The following MTURN variants were observed in gnomAD, a reference collection of about 807,000 sequenced individuals.
The protein encoded by MTURN is maturin.
A neutral mutation model predicts 14.9 loss-of-function variants in MTURN; 7 were observed. That is an observed-to-expected ratio of 0.47 (90% confidence interval 0.27 to 0.88). MTURN has a LOEUF of 0.88. MTURN is among the 40% of genes least tolerant of loss of function. The probability of loss-of-function intolerance (pLI) is 0.14; values close to 1 mark genes in which losing one functional copy is unlikely to be tolerated. For missense variants in MTURN, 151 were observed against 174.1 expected (o/e 0.87, Z 0.75); for synonymous variants, 69 against 72.5 (o/e 0.95, Z 0.25).
chr7:30,135,377 G>A lies in MTURN; in HGVS notation c.162+79G>A, dbSNP rs759128706. 4.6e-3 allele frequency: 5,757 copies of A among 1,263,058 alleles called. 26 individuals carry two copies. Among genetic ancestry groups the A allele is most frequent in the Non-Finnish European group, 4.9e-3 (4,759 of 967,528 alleles). 78.2% of individuals were successfully genotyped at this position (1,263,058 alleles called of 1,614,324 possible). A position where few individuals can be genotyped will look rare whatever the true frequency, so the allele number is the denominator to read the frequency against. The stretch of plus-strand genomic sequence containing the variant: ...TGCGTCCCTGCGCCCGAGCTCCCGC[G>A]CGGTGGGCGGCGGTGGGCGCAGAGT... On this transcript the variant is annotated intron_variant, in intron 1 of 2. Transcript: ENST00000324453.
chr7:30,135,608 C>T (rs1156378073), intron 1 of MTURN, among the ~76,000 whole-genome samples: 5 of 152,158 alleles, frequency 3.3e-5, no homozygotes, highest in Non-Finnish European at 7.4e-5. Flanking sequence ...GTTTCGGGAA[C>T]CCGACCTCGC....
intron 2 of MTURN, among the ~76,000 whole-genome samples, chr7:30,156,409 A>G (rs1797288484): frequency 6.6e-6 from 1 of 152,184 alleles, no homozygotes; most frequent in Non-Finnish European, 1.5e-5. Flanking sequence ...TCATGCTTGT[A>G]ATCCCAGCAC....
chr7:30,145,752 T>C (rs1797119552), intron 1 of MTURN: 3 of 1,349,316 alleles, frequency 2.2e-6, no homozygotes, highest in African/African-American at 2.9e-5. Context: ...AGTTAATGCT[T>C]ACAAACTATG....
chr7:30,135,969 A>AACAC lies in MTURN; in HGVS notation c.162+683_162+686dup, dbSNP rs56329067. 6.7e-4 allele frequency among the ~76,000 whole-genome samples: 102 copies of AACAC among 151,892 alleles called. 1 individual carries two copies. The highest frequency in any genetic ancestry group is 5.8e-3 in the South Asian group (28 of 4,810). On this transcript the variant is annotated intron_variant, in intron 1 of 2. Transcript: ENST00000324453. ...GCACGCGCGCCTGCGCATACACCCCAACACACACACACACATGCTCACACC... is the reference window on the plus strand; with the variant it reads ...GCACGCGCGCCTGCGCATACACCCCAACACACACACACACACACATGCTCACACC...
chr7:30,150,890 C>T (rs538774480), intron 2 of MTURN, among the ~76,000 whole-genome samples: 2 of 152,328 alleles, frequency 1.3e-5, no homozygotes, highest in East Asian at 3.9e-4. Flanking sequence ...CACTTGGCCT[C>T]AGTGTCCCCA....
intron 2 of MTURN, among the ~76,000 whole-genome samples, chr7:30,150,152 G>A (rs1453484225): frequency 6.6e-6 from 1 of 152,184 alleles, no homozygotes; most frequent in East Asian, 1.9e-4. Flanking sequence ...GGGTTGCAGT[G>A]AAGATTAATG....
At chr7:30,145,465 G>C (rs916874757) in intron 1 of MTURN, among the ~76,000 whole-genome samples, 3 of 152,106 alleles carry the variant, frequency 2.0e-5, no homozygotes, top group African/African-American at 7.2e-5. Flanking sequence ...CTGCACTCCA[G>C]CCTGGGCAAC....
intron 2 of MTURN, among the ~76,000 whole-genome samples, chr7:30,149,827 C>T (rs917013100): frequency 2.0e-5 from 3 of 152,148 alleles, no homozygotes; most frequent in East Asian, 1.9e-4. Context: ...TTTTGTTTAT[C>T]GTGGGCCAGC....
chr7:30,149,142 G>A (rs1199424805), intron 2 of MTURN, among the ~76,000 whole-genome samples: 1 of 152,196 alleles, frequency 6.6e-6, no homozygotes, highest in African/African-American at 2.4e-5. Flanking sequence ...GGCTAGCCAC[G>A]TTAAATGAGG....
chr7:30,138,314 T>C (rs543122456), intron 1 of MTURN, among the ~76,000 whole-genome samples: 32 of 152,148 alleles, frequency 2.1e-4, no homozygotes, highest in African/African-American at 7.5e-4. Flanking sequence ...AGGGTTTTGT[T>C]ACGTTACTTA....
intron 2 of MTURN, 101 bp downstream of exon 2, chr7:30,146,400 A>G (rs1797130770): frequency 5.9e-6 from 9 of 1,519,722 alleles, no homozygotes; most frequent in East Asian, 2.3e-5. Context: ...TGGGATGACT[A>G]ATTGTTTTTC....
At chr7:30,153,416 A>G (rs1444178603) in intron 2 of MTURN, among the ~76,000 whole-genome samples, 2 of 152,176 alleles carry the variant, frequency 1.3e-5, no homozygotes, top group Non-Finnish European at 2.9e-5. Context: ...TTTATTCCCC[A>G]GCGGAAAACA....
chr7:30,138,827 G>A (rs768202458), intron 1 of MTURN, among the ~76,000 whole-genome samples: 1 of 152,124 alleles, frequency 6.6e-6, no homozygotes, highest in Non-Finnish European at 1.5e-5. Flanking sequence ...AGACCCTGCT[G>A]GTCCTCAGAT....
rs1797019180 is a variant in MTURN at position 30,139,699 on chromosome 7, G to T, written c.162+4401G>T. Among the ~76,000 whole-genome samples, 5 of 152,180 alleles carry T rather than the reference G, an allele frequency of 3.3e-5. No homozygotes were observed. In the South Asian group the frequency reaches 1.0e-3, roughly 31 times the overall value. ...GCCCACAGGTGGGGTCAGGCCAGTA[G>T]TTCCAGGGGCCCATGTTTAGTAAAC... On this transcript the variant is annotated intron_variant, in intron 1 of 2. Coordinates refer to ENST00000324453, the MANE Select transcript of MTURN (RefSeq NM_152793.3).
intron 1 of MTURN, among the ~76,000 whole-genome samples, chr7:30,140,088 C>A (rs1797025270): frequency 6.6e-6 from 1 of 152,142 alleles, no homozygotes; most frequent in Non-Finnish European, 1.5e-5. Context: ...AGGGGCACTC[C>A]TAGGCATGGA....
intron 2 of MTURN, among the ~76,000 whole-genome samples, chr7:30,155,901 C>G (rs1034093642): frequency 7.2e-5 from 11 of 152,124 alleles, no homozygotes; most frequent in Admixed American, 2.0e-4. Flanking sequence ...ACCAGGGAGG[C>G]AATGCAATTG....
Position 30,146,313 on chromosome 7 carries a change from T to A in MTURN, c.285+14T>A. 1 of 1,613,570 alleles carries A rather than the reference T, an allele frequency of 6.2e-7. No individual in the cohort carries two copies. The highest frequency in any genetic ancestry group is 8.5e-7 in the Non-Finnish European group (1 of 1,179,826). On this transcript the variant is annotated intron_variant, in intron 2 of 2. Coordinates refer to ENST00000324453, the MANE Select transcript of MTURN (RefSeq NM_152793.3). ...TCTTTCAGACCTGTAGGTGCCTGCT[T>A]GGCTTCTCACCACAGCTTGTTTTCT...
chr7:30,147,466 C>T (rs537394664), intron 2 of MTURN, among the ~76,000 whole-genome samples: 88 of 152,216 alleles, frequency 5.8e-4, no homozygotes, highest in African/African-American at 2.1e-3. Context: ...GCCTCCTCCT[C>T]GTTCTGAGGG....
At chr7:30,148,286 A>G (rs1797157134) in intron 2 of MTURN, among the ~76,000 whole-genome samples, 1 of 152,210 alleles carries the variant, frequency 6.6e-6, no homozygotes, top group Non-Finnish European at 1.5e-5. Flanking sequence ...GCAGGTATGA[A>G]GGCCTCGGGG....
Sources: gnomAD v4.1 joint callset for allele counts (sites outside exome capture counted in the v4.1 genomes callset) on GRCh38, gnomAD v4.1.1 for gene constraint, MANE v1.5 for transcripts, NCBI Gene and HGNC (gene_info 2026-07-23, HGNC 2026-07-21) for gene names.